POLM: variants seen among roughly 807,000 people sequenced by gnomAD.
POLM encodes the protein DNA polymerase mu.
Under a neutral mutation model 56.7 loss-of-function variants are expected in POLM, and 52 were observed. The ratio of observed to expected loss-of-function variants is 0.92; its 90% CI spans 0.73 to 1.15. POLM has a LOEUF of 1.15. Among genes scored for constraint, POLM ranks in the 50% most tolerant of loss-of-function variants. POLM has a pLI of 0.00. For synonymous variants in POLM, 273 were observed against 274.3 expected (o/e 1.00, Z 0.05); for missense variants, 660 against 663.6 (o/e 0.99, Z 0.06).
Position 44,072,927 on chromosome 7 carries a change from A to T in POLM, c.*364T>A. The T allele has an allele frequency of 3.7e-6, 2 of 535,794 alleles. No individual in the cohort carries two copies. Among genetic ancestry groups the T allele is most frequent in the South Asian group, 7.2e-5 (2 of 27,670 alleles). 33.2% of individuals were successfully genotyped at this position (535,794 alleles called of 1,614,324 possible). On this transcript the variant is annotated 3_prime_UTR_variant, in exon 11 of 11. Transcript: ENST00000242248. Reference sequence around the variant, plus strand: ...GCCACAGTTAACTGCAGTGCAACTAATGAGACACTGCACATCAGGGACCAC... The same window carrying T: ...GCCACAGTTAACTGCAGTGCAACTATTGAGACACTGCACATCAGGGACCAC...
chr7:44,072,930 A>G lies in POLM; in HGVS notation c.*361T>C, dbSNP rs7778745. ...ACAGTTAACTGCAGTGCAACTAATG[A>G]GACACTGCACATCAGGGACCACTTG... On this transcript the variant is annotated 3_prime_UTR_variant, in exon 11 of 11. Coordinates refer to ENST00000242248, the MANE Select transcript of POLM (RefSeq NM_013284.4). 131,549 of 537,156 alleles carry G rather than the reference A, an allele frequency of 0.24. 17,702 individuals carry two copies. The highest frequency in any genetic ancestry group is 0.41 in the African/African-American group (21,905 of 53,366). The allele number at this position is 537,156 out of a possible 1,614,324, so 33.3% of individuals were successfully genotyped here.
At chr7:44,074,307 C>A in intron 7 of POLM, 74 bp from the exon 8 acceptor site, 1 of 1,542,510 alleles carries the variant, frequency 6.5e-7, no homozygotes, top group Non-Finnish European at 8.8e-7. Context: ...TCCCTTCCAA[C>A]GAGTGGGCCC....
chr7:44,072,909 T>G lies in POLM; in HGVS notation c.*382A>C. On this transcript the variant is annotated 3_prime_UTR_variant, in exon 11 of 11. Coordinates refer to ENST00000242248, the MANE Select transcript of POLM (RefSeq NM_013284.4). ...GCAGGGTGCCCTGCAGGAGCCACAG[T>G]TAACTGCAGTGCAACTAATGAGACA... is the stretch of plus-strand genomic sequence containing the variant. 1 of 499,566 alleles carries G rather than the reference T, an allele frequency of 2.0e-6. No individual in the cohort carries two copies. The allele number at this position is 499,566 out of a possible 1,614,324, so 30.9% of individuals were successfully genotyped here.
At chr7:44,082,105 C>A in intron 1 of POLM, 146 bp downstream of exon 1, 2 of 690,556 alleles carry the variant, frequency 2.9e-6, no homozygotes, top group Non-Finnish European at 2.2e-6. Flanking sequence ...CTTTAAAACA[C>A]GCCTCGCCCT....
chr7:44,081,042 T>C, intron 1 of POLM, 126 bp from the exon 2 acceptor site: 1 of 756,250 alleles, frequency 1.3e-6, no homozygotes, highest in African/African-American at 1.8e-5. Flanking sequence ...AAACGTCACC[T>C]CCTCCAGAAA....
rs2096190985 is a variant in POLM, at chr7:44,078,785, C to T, written c.669G>A (p.Glu223=). The stretch of plus-strand genomic sequence containing the variant: ...CTGAGCGCCGAACTCTCTCCACCTC[C>T]TCACACACTCCATGCTCCAGCAGCT... ...VQELLEHGVC[E]EVERVRRSER... is the part of the protein sequence containing the mutation. The change falls in exon 5 of 11, where the codon GAG becomes GAA. Residue 223 remains glutamate (E), a synonymous_variant. Coordinates refer to ENST00000242248, the MANE Select transcript of POLM (RefSeq NM_013284.4). 2 of 1,614,076 alleles carry T rather than the reference C, an allele frequency of 1.2e-6. No homozygotes were observed. Among genetic ancestry groups the T allele is most frequent in the Non-Finnish European group, 1.7e-6 (2 of 1,179,956 alleles).
intron 2 of POLM, chr7:44,080,425 A>G (rs1242258733): frequency 1.7e-6 from 1 of 580,752 alleles, no homozygotes; most frequent in African/African-American, 1.8e-5. Context: ...CCCATGGGTC[A>G]TCCCGCTCGG....
At position 44,073,939 on chromosome 7, in the gene POLM, C is replaced by T; in HGVS notation, c.1158G>A (p.Glu386=). The part of the protein sequence containing the change: ...LAQQSHMDAF[E]RSFCIFRLPQ... ...GTAGGCGGAAAATGCAGAAACTTCT[C>T]TCAAAAGCGTCCATGTGGCTCTGTT... Residue 386 remains glutamate (E), a synonymous_variant, in exon 9 of 11, where the codon GAG becomes GAA. Coordinates refer to ENST00000242248, the MANE Select transcript of POLM (RefSeq NM_013284.4). 1 of 1,614,238 alleles carries T rather than the reference C, an allele frequency of 6.2e-7. No homozygotes were observed. The highest frequency in any genetic ancestry group is 8.5e-7 in the Non-Finnish European group (1 of 1,180,044).
At chr7:44,075,768 G>A (rs2128800863) in intron 6 of POLM, 1 of 145,374 alleles carries the variant, frequency 6.9e-6, no homozygotes, top group African/African-American at 2.6e-5. Context: ...CACTCAGGCT[G>A]GAGTGCAGTG....
rs1005805060 is a variant in POLM, at chr7:44,082,264, G to A, written c.175C>T (p.Leu59Phe). 5 of 1,500,800 alleles carry A rather than the reference G, an allele frequency of 3.3e-6. No homozygotes were observed. Among genetic ancestry groups the A allele is most frequent in the South Asian group, 1.3e-5 (1 of 79,368 alleles). 93.0% of individuals were successfully genotyped at this position (1,500,800 alleles called of 1,614,324 possible). ...GCCGCCCCGCACCTGCAGGCGTCAAGGACGCGGAAGCCTTTGGAGCGCGCC... is the reference window on the plus strand; with the variant it reads ...GCCGCCCCGCACCTGCAGGCGTCAAAGACGCGGAAGCCTTTGGAGCGCGCC... ...GLARSKGFRV[L>F]DACSSEATHV... The change falls in exon 1 of 11, where the codon CTT (leucine) becomes TTT (phenylalanine). Residue 59 changes from leucine (L) to phenylalanine (F), a missense_variant. Coordinates refer to ENST00000242248, the MANE Select transcript of POLM (RefSeq NM_013284.4).
intron 4 of POLM, among the ~76,000 whole-genome samples, chr7:44,079,249 G>C (rs903529124): frequency 5.3e-5 from 8 of 152,314 alleles, no homozygotes; most frequent in Non-Finnish European, 5.9e-5. Flanking sequence ...GCACTGAAAA[G>C]AGATGCTCAC....
intron 4 of POLM, among the ~76,000 whole-genome samples, chr7:44,079,357 G>A (rs973967231): frequency 2.6e-5 from 4 of 152,088 alleles, no homozygotes; most frequent in Non-Finnish European, 5.9e-5. Context: ...CCCTCACAGC[G>A]CCATTCACTG....
chr7:44,078,699 C>G (rs1453151821), intron 5 of POLM, 41 bp downstream of exon 5: 1 of 1,557,906 alleles, frequency 6.4e-7, no homozygotes, highest in Non-Finnish European at 8.9e-7. Flanking sequence ...ATTCCCAGGG[C>G]AGGACATTCC....
rs1460853129 is a variant in POLM at position 44,079,923 on chromosome 7, A to G, written c.409T>C (p.Trp137Arg). 3.7e-6 allele frequency: 6 copies of G among 1,613,980 alleles called. No homozygotes were observed. Among genetic ancestry groups the G allele is most frequent in the Non-Finnish European group, 5.1e-6 (6 of 1,179,984 alleles). The change falls in exon 3 of 11, where the codon TGG becomes CGG. Residue 137 changes from tryptophan (W) to arginine (R), a missense_variant. Coordinates refer to ENST00000242248, the MANE Select transcript of POLM (RefSeq NM_013284.4). Reference protein sequence around the residue: ...GPRKGPLSPAWMPAYACQRPT... With the variant: ...GPRKGPLSPARMPAYACQRPT... ...CGCTGGCAGGCATAGGCAGGCATCCATGCTGGGCTCAGAGGCCCCTTCCTT... is the reference window on the plus strand; with the variant it reads ...CGCTGGCAGGCATAGGCAGGCATCCGTGCTGGGCTCAGAGGCCCCTTCCTT...
At chr7:44,079,786 A>G in intron 3 of POLM, 45 bp from the exon 4 acceptor site, 1 of 1,608,762 alleles carries the variant, frequency 6.2e-7, no homozygotes, top group Non-Finnish European at 8.5e-7. Flanking sequence ...GGCAGCTCCA[A>G]TCCCCCACCT....
intron 10 of POLM, 97 bp from the exon 11 acceptor site, chr7:44,073,474 G>A (rs1185431594): frequency 5.7e-6 from 9 of 1,580,034 alleles, no homozygotes; most frequent in African/African-American, 1.3e-5. Context: ...CGCCGAGGTG[G>A]GGTGTGCTCT....
chr7:44,079,853 C>T lies in POLM; in HGVS notation c.471+8G>A, dbSNP rs533062099. 10 of 1,613,884 alleles carry T rather than the reference C, an allele frequency of 6.2e-6. No homozygotes were observed. Among genetic ancestry groups the T allele is most frequent in the Admixed American group, 3.3e-5 (2 of 60,022 alleles). On this transcript the variant is annotated splice_region_variant and intron_variant, in intron 3 of 10. Coordinates refer to ENST00000242248, the MANE Select transcript of POLM (RefSeq NM_013284.4). ...CAGGGCTGGCCAAGGCTCATAGAAG[C>T]GGCTTACGGAGAGGCCAGTGTTGTG...
chr7:44,078,429 G>A (rs940141935), intron 5 of POLM: 2 of 340,596 alleles, frequency 5.9e-6, no homozygotes, highest in Non-Finnish European at 1.1e-5. Flanking sequence ...TCGCACCACT[G>A]TACTCCAGCC....
Position 44,074,001 on chromosome 7 carries a change from G to C in POLM, c.1096C>G (p.Gln366Glu). 6.2e-7 allele frequency: 1 copy of C among 1,614,110 alleles called. No individual in the cohort carries two copies. The highest frequency in any genetic ancestry group is 8.5e-7 in the Non-Finnish European group (1 of 1,180,034). The change falls in exon 9 of 11, where the codon CAG (glutamine) becomes GAG (glutamate). Residue 366 changes from glutamine to glutamate, a missense_variant. Coordinates refer to ENST00000242248, the MANE Select transcript of POLM (RefSeq NM_013284.4). Reference sequence around the variant, plus strand: ...GTAGGGGACTCACAGCAGCTGTGCTGGTGCTGGTGGTACAGGATGAGGCCC... The same window carrying C: ...GTAGGGGACTCACAGCAGCTGTGCTCGTGCTGGTGGTACAGGATGAGGCCC... ...DQGLILYHQH[Q>E]HSCCESPTRL...
Sources: allele counts gnomAD v4.1 joint callset (sites outside exome capture counted in the v4.1 genomes callset), GRCh38; gene constraint gnomAD v4.1.1; transcripts MANE v1.5; gene names NCBI Gene and HGNC (gene_info 2026-07-23, HGNC 2026-07-21).